COL13A1: variants seen among roughly 807,000 people sequenced by gnomAD.
COL13A1 encodes collagen type XIII alpha 1 chain, also known as collagen alpha-1(XIII) chain.
COL13A1 carries 89 observed loss-of-function variants against 130.9 expected under a neutral mutation model. The observed-to-expected ratio is 0.68, with a 90% CI of 0.57 to 0.81. The LOEUF is 0.81. COL13A1 is among the 30% of genes least tolerant of loss of function. The pLI is 0.00. For synonymous variants in COL13A1, 402 were observed against 341.6 expected, an observed-to-expected ratio of 1.18 and a Z score of -1.95; for missense variants, 879 against 934.6, an observed-to-expected ratio of 0.94 and a Z score of 0.78.
At chr10:69,852,889 A>G (rs1016388596) in intron 2 of COL13A1, among the ~76,000 whole-genome samples, 1 of 152,244 alleles carries the variant, frequency 6.6e-6, no homozygotes, top group Non-Finnish European at 1.5e-5. Flanking sequence ...CGGCTTTCCC[A>G]GTGCCTTGAC....
intron 22 of COL13A1, among the ~76,000 whole-genome samples, 183 bp downstream of exon 22, chr10:69,922,118 C>T (rs1173166820): frequency 6.6e-6 from 1 of 151,964 alleles, no homozygotes. Flanking sequence ...CCCTGATTGG[C>T]AAAAATAAAA....
chr10:69,956,961 A>G (rs1219038626), intron 39 of COL13A1, 43 bp from the exon 40 acceptor site: 1 of 1,575,560 alleles, frequency 6.3e-7, no homozygotes, highest in Admixed American at 1.7e-5. Flanking sequence ...TTGGTGGACC[A>G]TTGCAGGAAG....
chr10:69,872,202 G>C lies in COL13A1; in HGVS notation c.391G>C (p.Gly131Arg), dbSNP rs375057935. The C allele has an allele frequency of 6.2e-7, 1 of 1,614,012 alleles. No individual in the cohort carries two copies. The highest frequency in any genetic ancestry group is 8.5e-7 in the Non-Finnish European group (1 of 1,179,894). ...PGPPGPTGRP[G>R]LPGDKGAIGM... ...ATTTCAGGGTCCCACTGGAAGACCC[G>C]GACTCCCAGTAAGTCACTTTTGTTT... The change falls in exon 4 of 41, where the codon GGA becomes CGA. Residue 131 changes from glycine (G) to arginine (R), a missense_variant. Coordinates refer to ENST00000645393, the MANE Select transcript of COL13A1 (RefSeq NM_001368882.1).
chr10:69,837,115 C>T (rs550579565), intron 2 of COL13A1, among the ~76,000 whole-genome samples: 1 of 152,292 alleles, frequency 6.6e-6, no homozygotes, highest in Non-Finnish European at 1.5e-5. Context: ...CTTTGACAGC[C>T]TGAATGTCCT....
intron 2 of COL13A1, among the ~76,000 whole-genome samples, chr10:69,848,899 G>A (rs575365123): frequency 2.1e-4 from 32 of 152,244 alleles, no homozygotes; most frequent in East Asian, 5.8e-4. Context: ...CATAGCCAAC[G>A]GCTGCAGCCT....
intron 40 of COL13A1, among the ~76,000 whole-genome samples, chr10:69,958,013 C>T (rs929015335): frequency 2.6e-5 from 4 of 152,150 alleles, no homozygotes; most frequent in Non-Finnish European, 1.5e-5. Flanking sequence ...CTCACTAGTG[C>T]ACTGGGTTGG....
intron 4 of COL13A1, among the ~76,000 whole-genome samples, chr10:69,873,348 G>A (rs1306372140): frequency 2.0e-5 from 3 of 152,188 alleles, no homozygotes; most frequent in African/African-American, 4.8e-5. Context: ...CTTGCAAATG[G>A]AAACTCTCCC....
chr10:69,948,883 CGGAGGCCCCAGGAATCAGTG>C (rs968373512), intron 38 of COL13A1, among the ~76,000 whole-genome samples: 1 of 152,140 alleles, frequency 6.6e-6, no homozygotes, highest in African/African-American at 2.4e-5. Flanking sequence ...GAGTCATCCA[CGGAGGCCCCAGGAATCAGTG>C]GGAAAGTATT....
At chr10:69,944,002 G>A (rs1215535727) in intron 35 of COL13A1, 123 bp from the exon 36 acceptor site, 2 of 753,316 alleles carry the variant, frequency 2.7e-6, no homozygotes, top group African/African-American at 3.5e-5. Context: ...CCCTGAACGA[G>A]CCTGGCCTCG....
At chr10:69,891,732 G>A (rs571841622) in intron 10 of COL13A1, among the ~76,000 whole-genome samples, 9 of 152,252 alleles carry the variant, frequency 5.9e-5, no homozygotes, top group South Asian at 2.1e-4. Context: ...TTATGCTACC[G>A]TAAGGCAGCC....
rs536955203 is a variant in COL13A1, at chr10:69,879,995, T to A, written c.463-508T>A. On this transcript the variant is annotated intron_variant, in intron 6 of 40. Transcript: ENST00000645393. ...AGTCCCATTCTCGGGCAGGTCACTG[T>A]TCAGCAGTTGCAGGGTGTGCGGCCA... Among the ~76,000 whole-genome samples, 270 of 152,264 alleles carry A rather than the reference T, an allele frequency of 1.8e-3. 1 individual carries two copies. Among genetic ancestry groups the A allele is most frequent in the African/African-American group, 6.3e-3 (260 of 41,540 alleles).
At chr10:69,930,017 G>A in intron 28 of COL13A1, 26 bp from the exon 29 acceptor site, 3 of 1,612,318 alleles carry the variant, frequency 1.9e-6, no homozygotes, top group African/African-American at 2.7e-5. Context: ...TGCCCTGAGA[G>A]TCACCTTTAG....
At chr10:69,873,679 G>A (rs941459910) in intron 4 of COL13A1, among the ~76,000 whole-genome samples, 4 of 152,206 alleles carry the variant, frequency 2.6e-5, no homozygotes, top group Admixed American at 6.5e-5. Context: ...TGAGTGGACC[G>A]TGGGGCTGCC....
rs112157187 is a variant in COL13A1, at chr10:69,856,536, A to G, written c.365-11262A>G. ...AAAGACAAGGTAGAAAAACATGGAC[A>G]TGGAACATGGAACTGAGATCCACAC... On this transcript the variant is annotated intron_variant, in intron 2 of 40. Coordinates refer to ENST00000645393, the MANE Select transcript of COL13A1 (RefSeq NM_001368882.1). Among the ~76,000 whole-genome samples, 1,192 of 136,130 alleles carry G rather than the reference A, an allele frequency of 8.8e-3. 16 individuals carry two copies. The highest frequency in any genetic ancestry group is 0.031 in the African/African-American group (1,145 of 36,512). The allele number at this position is 136,130 out of a possible 152,430, so 89.3% of individuals were successfully genotyped here. A position where few individuals can be genotyped will look rare whatever the true frequency, so the allele number is the denominator to read the frequency against.
At chr10:69,871,923 A>G (rs1436466659) in intron 3 of COL13A1, among the ~76,000 whole-genome samples, 4 of 152,236 alleles carry the variant, frequency 2.6e-5, no homozygotes, top group African/African-American at 9.6e-5. Flanking sequence ...AGGCACAGAG[A>G]GACCAAGATA....
At chr10:69,941,842 T>A (rs1433629567) in intron 35 of COL13A1, among the ~76,000 whole-genome samples, 1 of 152,180 alleles carries the variant, frequency 6.6e-6, no homozygotes, top group African/African-American at 2.4e-5. Flanking sequence ...TCCCAGGGTA[T>A]TGAGCTCACT....
intron 2 of COL13A1, among the ~76,000 whole-genome samples, chr10:69,837,848 G>T (rs1315674569): frequency 6.6e-6 from 1 of 152,254 alleles, no homozygotes; most frequent in Admixed American, 6.5e-5. Context: ...AGCTGAAGCT[G>T]GGGCCAATTT....
intron 17 of COL13A1, among the ~76,000 whole-genome samples, chr10:69,910,612 T>G (rs917135352): frequency 1.3e-5 from 2 of 152,234 alleles, no homozygotes; most frequent in African/African-American, 2.4e-5. Context: ...GCCCCTGTGC[T>G]GCCCCCATGC....
chr10:69,833,060 T>C (rs1849198954), intron 2 of COL13A1, among the ~76,000 whole-genome samples: 1 of 152,198 alleles, frequency 6.6e-6, no homozygotes, highest in African/African-American at 2.4e-5. Flanking sequence ...CCTCTCCCTG[T>C]CTGCCAGGCT....
Sources: allele counts gnomAD v4.1 joint callset (sites outside exome capture counted in the v4.1 genomes callset), GRCh38; gene constraint gnomAD v4.1.1; transcripts MANE v1.5; gene names NCBI Gene and HGNC (gene_info 2026-07-23, HGNC 2026-07-21).